Variants in ATRNL1 observed in about 807,000 individuals in gnomAD.
ATRNL1 encodes the protein attractin-like protein 1.
Under a neutral mutation model 182.7 loss-of-function variants are expected in ATRNL1, and 95 were observed. That is an observed-to-expected ratio of 0.52 (90% confidence interval 0.44 to 0.62). The LOEUF is 0.62. ATRNL1 is among the 20% of genes least tolerant of loss of function. The pLI is 0.00. For missense variants in ATRNL1, 1,471 were observed against 1,679.5 expected (o/e 0.88, Z 2.17); for synonymous variants, 576 against 568.3 (o/e 1.01, Z -0.19).
At chr10:115,182,664 T>C (rs1295046143) in intron 8 of ATRNL1, among the ~76,000 whole-genome samples, 2 of 151,504 alleles carry the variant, frequency 1.3e-5, no homozygotes, top group African/African-American at 4.8e-5. Flanking sequence ...CAGAGAAAGA[T>C]TTCATAGGTG....
chr10:115,382,814 G>GT (rs1346347497), intron 19 of ATRNL1, among the ~76,000 whole-genome samples: 1 of 150,830 alleles, frequency 6.6e-6, no homozygotes, highest in African/African-American at 2.4e-5. Flanking sequence ...AAAAGATTCT[G>GT]TTTTTTACTG....
At chr10:115,165,033 C>A (rs1174984864) in intron 6 of ATRNL1, among the ~76,000 whole-genome samples, 1 of 151,848 alleles carries the variant, frequency 6.6e-6, no homozygotes, top group Admixed American at 6.6e-5. Flanking sequence ...TTCTAATTAC[C>A]TTGATTTGAT....
At chr10:115,891,378 A>AC (rs1334827544) in intron 28 of ATRNL1, among the ~76,000 whole-genome samples, 42 of 152,174 alleles carry the variant, frequency 2.8e-4, no homozygotes, top group African/African-American at 9.4e-4. Context: ...ACATCCAAAA[A>AC]CCAGGCTTAC....
chr10:115,184,041 C>T (rs1336680803), intron 8 of ATRNL1, among the ~76,000 whole-genome samples: 1 of 151,228 alleles, frequency 6.6e-6, no homozygotes, highest in South Asian at 2.1e-4. Context: ...TAATAAAATA[C>T]ACATTAATAG....
chr10:115,555,651 T>C (rs1853270598), intron 26 of ATRNL1, among the ~76,000 whole-genome samples: 2 of 151,906 alleles, frequency 1.3e-5, no homozygotes, highest in Non-Finnish European at 2.9e-5. Context: ...CCCTCAAAAA[T>C]GTTTACAGAT....
rs184515613 is a variant in ATRNL1 at position 115,842,579 on chromosome 10, G to A, written c.3904-5298G>A. Reference sequence around the variant, plus strand: ...CCCAGGATCACACAGCTAGCTAGTGGGAGAGCTGGTCTGAGTACTTATATG... The same window carrying A: ...CCCAGGATCACACAGCTAGCTAGTGAGAGAGCTGGTCTGAGTACTTATATG... On this transcript the variant is annotated intron_variant, in intron 27 of 28. Coordinates refer to ENST00000355044, the MANE Select transcript of ATRNL1 (RefSeq NM_207303.4). Among the ~76,000 whole-genome samples, 484 of 152,132 alleles carry A rather than the reference G, an allele frequency of 3.2e-3. 5 individuals are homozygous for A. The highest frequency in any genetic ancestry group is 0.024 in the Middle Eastern group (7 of 294).
At chr10:115,313,440 C>T (rs1854136225) in intron 17 of ATRNL1, among the ~76,000 whole-genome samples, 1 of 152,116 alleles carries the variant, frequency 6.6e-6, no homozygotes, top group African/African-American at 2.4e-5. Flanking sequence ...TGGTGGCTTT[C>T]TCAGATACTG....
At chr10:115,461,197 A>G (rs74952168) in intron 21 of ATRNL1, among the ~76,000 whole-genome samples, 2,864 of 152,212 alleles carry the variant, frequency 0.019, 93 homozygotes, top group African/African-American at 0.064. Context: ...TTTATTTAAA[A>G]TAATTGGAAA....
At chr10:115,730,126 G>A (rs1411340506) in intron 27 of ATRNL1, among the ~76,000 whole-genome samples, 2 of 151,554 alleles carry the variant, frequency 1.3e-5, no homozygotes, top group African/African-American at 4.8e-5. Context: ...GCATGGTGGT[G>A]CACGCCTGTA....
intron 14 of ATRNL1, among the ~76,000 whole-genome samples, chr10:115,284,373 C>A (rs1303997565): frequency 1.3e-5 from 2 of 152,036 alleles, no homozygotes; most frequent in South Asian, 2.1e-4. Context: ...TGAGAAAAAA[C>A]CGTAATTTAA....
At chr10:115,321,267 G>A (rs782190489) in intron 18 of ATRNL1, among the ~76,000 whole-genome samples, 24 of 152,184 alleles carry the variant, frequency 1.6e-4, no homozygotes, top group Middle Eastern at 6.8e-3. Flanking sequence ...GGGTGCCTGC[G>A]CCTTCTTCTG....
chr10:115,744,315 C>T (rs577531536), intron 27 of ATRNL1, among the ~76,000 whole-genome samples: 2 of 152,196 alleles, frequency 1.3e-5, no homozygotes, highest in East Asian at 3.9e-4. Context: ...GTGCTCTATA[C>T]TAGACATTCC....
chr10:115,599,834 AT>A (rs1197197512), intron 26 of ATRNL1, among the ~76,000 whole-genome samples: 1 of 152,212 alleles, frequency 6.6e-6, no homozygotes, highest in Non-Finnish European at 1.5e-5. Flanking sequence ...TTATAAAAAT[AT>A]AACATATACA....
intron 8 of ATRNL1, among the ~76,000 whole-genome samples, chr10:115,191,608 A>G (rs1554889861): frequency 6.6e-6 from 1 of 152,118 alleles, no homozygotes; most frequent in Non-Finnish European, 1.5e-5. Context: ...AGGTAATTAC[A>G]TCATGGGAGC....
intron 5 of ATRNL1, among the ~76,000 whole-genome samples, chr10:115,152,606 G>A (rs1171331095): frequency 1.1e-4 from 16 of 152,294 alleles, no homozygotes; most frequent in African/African-American, 2.9e-4. Context: ...AGCTTAAGGA[G>A]ATTTTGGGCT....
chr10:115,761,253 T>G (rs1349556021), intron 27 of ATRNL1, among the ~76,000 whole-genome samples: 1 of 152,184 alleles, frequency 6.6e-6, no homozygotes, highest in Non-Finnish European at 1.5e-5. Context: ...AAAACACATA[T>G]TAAAGAAGCC....
intron 22 of ATRNL1, among the ~76,000 whole-genome samples, chr10:115,464,779 C>T (rs782472125): frequency 2.0e-4 from 30 of 151,800 alleles, no homozygotes; most frequent in East Asian, 1.9e-3. Context: ...CTTAAGGGTA[C>T]GCTGATTTCA....
chr10:115,596,348 C>A (rs1206981013), intron 26 of ATRNL1, among the ~76,000 whole-genome samples: 9 of 152,198 alleles, frequency 5.9e-5, no homozygotes, highest in Non-Finnish European at 1.0e-4. Flanking sequence ...TCAAGGGATC[C>A]ACCTGCCTTG....
At chr10:115,423,348 A>T (rs1190511698) in intron 20 of ATRNL1, among the ~76,000 whole-genome samples, 2 of 152,124 alleles carry the variant, frequency 1.3e-5, no homozygotes, top group East Asian at 3.9e-4. Context: ...AGCCTGGCCA[A>T]CACGGCAAAA....
Sources: allele counts gnomAD v4.1 joint callset (sites outside exome capture counted in the v4.1 genomes callset), GRCh38; gene constraint gnomAD v4.1.1; transcripts MANE v1.5; gene names NCBI Gene and HGNC (gene_info 2026-07-23, HGNC 2026-07-21).